SLC1A7: variants seen among roughly 807,000 people sequenced by gnomAD.
The protein encoded by SLC1A7 is solute carrier family 1 member 7.
A neutral mutation model predicts 47.7 loss-of-function variants in SLC1A7; 40 were observed. The ratio of observed to expected loss-of-function variants is 0.84; its 90% CI spans 0.65 to 1.09. The LOEUF is 1.09. Ranked by LOEUF, SLC1A7 falls within the 50% of genes least tolerant of loss-of-function variation. The pLI is 0.00. For synonymous variants in SLC1A7, 323 were observed against 325.6 expected (o/e 0.99, Z 0.09); for missense variants, 746 against 769.5 (o/e 0.97, Z 0.36).
At chr1:53,120,686 C>T (rs1368793615) in intron 2 of SLC1A7, among the ~76,000 whole-genome samples, 2 of 152,238 alleles carry the variant, frequency 1.3e-5, no homozygotes, top group African/African-American at 2.4e-5. Context: ...CCCCAGGGCA[C>T]CCTGTGCTTC....
chr1:53,103,854 C>T (rs1644611115), intron 4 of SLC1A7, among the ~76,000 whole-genome samples: 1 of 152,054 alleles, frequency 6.6e-6, no homozygotes, highest in Non-Finnish European at 1.5e-5. Context: ...CTCTTAACTG[C>T]CTGCCCAGCC....
rs200968603 is a variant in SLC1A7 at position 53,138,565 on chromosome 1, A to C, written c.135+3750T>G. On this transcript the variant is annotated intron_variant, in intron 1 of 10. Transcript: ENST00000371494. Reference sequence around the variant, plus strand: ...TTTTTTTTTGGAGATGGGGTCTCACACCATGTTGCCCAGGCTGGCCCTGAA... The same window carrying C: ...TTTTTTTTTGGAGATGGGGTCTCACCCCATGTTGCCCAGGCTGGCCCTGAA... Among the ~76,000 whole-genome samples, 17 of 143,748 alleles carry C rather than the reference A, an allele frequency of 1.2e-4. No homozygotes were observed. In the East Asian group the frequency reaches 3.2e-3, roughly 27 times the overall value. The allele number at this position is 143,748 out of a possible 152,430, so 94.3% of individuals were successfully genotyped here.
Position 53,142,365 on chromosome 1 carries a change from C to G in SLC1A7, c.85G>C (p.Val29Leu), listed in dbSNP as rs201010691. ...LLILSVLSVI[V>L]GCLLGFFLRT... ...AAGAAGAAGCCGAGGAGGCAGCCCA[C>G]GATGACAGACAGCACAGACAGGATG... Residue 29 changes from valine to leucine, a missense_variant, in exon 1 of 11, where the codon GTG becomes CTG. Val to Leu is a conservative substitution (Grantham distance 32). Transcript: ENST00000371494. 3.8e-6 allele frequency: 6 copies of G among 1,593,146 alleles called. No individual in the cohort carries two copies. Among genetic ancestry groups the G allele is most frequent in the Non-Finnish European group, 5.1e-6 (6 of 1,169,422 alleles).
At chr1:53,139,451 A>T (rs1234745852) in intron 1 of SLC1A7, among the ~76,000 whole-genome samples, 1 of 152,100 alleles carries the variant, frequency 6.6e-6, no homozygotes, top group African/African-American at 2.4e-5. Context: ...GTGGCCCAAT[A>T]CCCTCAAGTC....
intron 1 of SLC1A7, among the ~76,000 whole-genome samples, chr1:53,141,063 C>T (rs1645051973): frequency 6.6e-6 from 1 of 152,204 alleles, no homozygotes. Context: ...AAGCCTCTCT[C>T]CTTGACCACA....
chr1:53,112,244 A>G (rs570702178), intron 3 of SLC1A7, among the ~76,000 whole-genome samples: 296 of 152,290 alleles, frequency 1.9e-3, no homozygotes, highest in Non-Finnish European at 3.5e-3. Flanking sequence ...CTCTCCTGGA[A>G]TCCTGTCGCC....
intron 8 of SLC1A7, 25 bp from the exon 9 acceptor site, chr1:53,089,959 G>C: frequency 6.2e-7 from 1 of 1,611,728 alleles, no homozygotes; most frequent in East Asian, 2.2e-5. Flanking sequence ...AAGGGGAAGA[G>C]GAGCAGCAGG....
rs376317359 is a variant in SLC1A7 at position 53,092,642 on chromosome 1, G to A, written c.943C>T (p.Leu315Phe). The A allele has an allele frequency of 3.0e-5, 49 of 1,614,074 alleles. No individual in the cohort carries two copies. The highest frequency in any genetic ancestry group is 3.4e-5 in the Non-Finnish European group (40 of 1,180,016). The change falls in exon 7 of 11, where the codon CTC (leucine) becomes TTC (phenylalanine). Residue 315 changes from leucine (L) to phenylalanine (F), a missense_variant. Leu to Phe is a conservative substitution (Grantham distance 22). Coordinates refer to ENST00000371494, the MANE Select transcript of SLC1A7 (RefSeq NM_006671.6). ...TTCTTCTTGGTGATGAAGAAGTAGA[G>A]CAGGGGCAGGATAAAGAGCCCGTGG... is the stretch of plus-strand genomic sequence containing the variant. ...VLHGLFILPL[L>F]YFFITKKNPI...
intron 2 of SLC1A7, among the ~76,000 whole-genome samples, chr1:53,117,748 C>T (rs554672499): frequency 1.3e-5 from 2 of 152,344 alleles, no homozygotes; most frequent in East Asian, 1.9e-4. Flanking sequence ...GAAGGCCCCC[C>T]ACCGGGGACG....
intron 2 of SLC1A7, among the ~76,000 whole-genome samples, chr1:53,121,795 C>A (rs990223205): frequency 2.0e-5 from 3 of 152,150 alleles, no homozygotes; most frequent in Non-Finnish European, 2.9e-5. Flanking sequence ...GGACTTTGGG[C>A]TTTGTTTGCT....
At position 53,134,341 on chromosome 1, in the gene SLC1A7, C is replaced by T. The variant is rs769309564; in HGVS notation, c.215+9G>A. ...GTTCCGGACCACCTGGTCAAACCCC[C>T]GCTCTCACCTGGAGACCACCAGTGG... is the stretch of plus-strand genomic sequence containing the variant. On this transcript the variant is annotated intron_variant, in intron 2 of 10. Transcript: ENST00000371494. The T allele has an allele frequency of 5.0e-5, 81 of 1,608,756 alleles. No homozygotes were observed. Among genetic ancestry groups the T allele is most frequent in the East Asian group, 1.3e-4 (6 of 44,856 alleles).
intron 2 of SLC1A7, among the ~76,000 whole-genome samples, chr1:53,129,521 TC>T: frequency 2.1e-5 from 2 of 95,808 alleles, no homozygotes; most frequent in African/African-American, 7.7e-5. Context: ...AGCACACATG[TC>T]TGAGGAGGGA....
intron 2 of SLC1A7, among the ~76,000 whole-genome samples, chr1:53,116,585 G>A (rs939665262): frequency 6.6e-6 from 1 of 152,232 alleles, no homozygotes; most frequent in African/African-American, 2.4e-5. Flanking sequence ...TGTGCAGCCA[G>A]AGGAAATGGG....
chr1:53,103,614 G>T, intron 4 of SLC1A7, 46 bp from the exon 5 acceptor site: 1 of 1,181,908 alleles, frequency 8.5e-7, no homozygotes, highest in Non-Finnish European at 1.2e-6. Context: ...GCCAAGGGTT[G>T]TTACTAATAT....
At chr1:53,110,678 C>T (rs1250987589) in intron 3 of SLC1A7, among the ~76,000 whole-genome samples, 3 of 152,174 alleles carry the variant, frequency 2.0e-5, no homozygotes, top group Non-Finnish European at 4.4e-5. Flanking sequence ...CCATGAATCA[C>T]AGTTACCAGA....
At chr1:53,111,587 A>C (rs935752994) in intron 3 of SLC1A7, among the ~76,000 whole-genome samples, 9 of 152,140 alleles carry the variant, frequency 5.9e-5, no homozygotes, top group Non-Finnish European at 1.2e-4. Flanking sequence ...GAGCTCACAG[A>C]ATTTGCTGAG....
chr1:53,091,638 C>T (rs995321368), intron 7 of SLC1A7, among the ~76,000 whole-genome samples: 1 of 152,206 alleles, frequency 6.6e-6, no homozygotes, highest in African/African-American at 2.4e-5. Context: ...GCAGGAGGTG[C>T]ATCTGCTGCC....
chr1:53,115,259 G>A, intron 2 of SLC1A7: 1 of 512,204 alleles, frequency 2.0e-6, no homozygotes. Context: ...ACACTGTTGG[G>A]GGAGTGAGAG....
chr1:53,111,664 A>G (rs59632651), intron 3 of SLC1A7, among the ~76,000 whole-genome samples: 2,629 of 152,318 alleles, frequency 0.017, 79 homozygotes, highest in African/African-American at 0.06. Flanking sequence ...AGAAAAGGGC[A>G]GATTTATGGA....
Sources: gnomAD v4.1 joint callset for allele counts (sites outside exome capture counted in the v4.1 genomes callset) on GRCh38, gnomAD v4.1.1 for gene constraint, MANE v1.5 for transcripts, NCBI Gene and HGNC (gene_info 2026-07-23, HGNC 2026-07-21) for gene names.